Variants in IQGAP2 observed in about 807,000 individuals in gnomAD.
The protein encoded by IQGAP2 is ras GTPase-activating-like protein IQGAP2.
Under a neutral mutation model 201.3 loss-of-function variants are expected in IQGAP2, and 173 were observed. That is an observed-to-expected ratio of 0.86 (90% CI 0.76 to 0.98). The LOEUF is 0.98. Ranked by LOEUF, IQGAP2 falls within the 50% of genes least tolerant of loss-of-function variation. The pLI is 0.00. For missense variants in IQGAP2, 1,687 were observed against 1,864.8 expected, an observed-to-expected ratio of 0.90 and a Z score of 1.76; for synonymous variants, 675 against 673.9, an observed-to-expected ratio of 1.00 and a Z score of -0.03.
chr5:76,589,971 T>A (rs187572723), intron 7 of IQGAP2, among the ~76,000 whole-genome samples: 39 of 152,374 alleles, frequency 2.6e-4, no homozygotes, highest in African/African-American at 9.4e-4. Context: ...TCATTGTCCA[T>A]AGTTCTCTAC....
chr5:76,674,663 C>G lies in IQGAP2; in HGVS notation c.3481C>G (p.Leu1161Val), dbSNP rs1178700111. The change falls in exon 27 of 36, where the codon CTC (leucine) becomes GTC (valine). Residue 1161 changes from leucine to valine, a missense_variant. Transcript: ENST00000274364. ...GCTGTTTGAAGGAGAAAATGAGCATCTCTCATCTATGAACAATTATTTATC... is the reference window on the plus strand; with the variant it reads ...GCTGTTTGAAGGAGAAAATGAGCATGTCTCATCTATGAACAATTATTTATC... ...NKLFEGENEH[L>V]SSMNNYLSET... 6.2e-7 allele frequency: 1 copy of G among 1,614,098 alleles called. No homozygotes were observed. Among genetic ancestry groups the G allele is most frequent in the Admixed American group, 1.7e-5 (1 of 60,022 alleles).
intron 1 of IQGAP2, among the ~76,000 whole-genome samples, chr5:76,430,295 C>A (rs1752293546): frequency 6.6e-6 from 1 of 152,190 alleles, no homozygotes; most frequent in African/African-American, 2.4e-5. Flanking sequence ...TAACGAGCTC[C>A]AGCTGGGAAG....
Position 76,447,284 on chromosome 5 carries a change from A to G in IQGAP2, c.47-14286A>G, listed in dbSNP as rs143082597. 1.2e-3 allele frequency among the ~76,000 whole-genome samples: 190 copies of G among 152,302 alleles called. 1 individual carries two copies. The East Asian group carries it at 0.017, about 13-fold the overall frequency. On this transcript the variant is annotated intron_variant, in intron 1 of 35. Transcript: ENST00000274364. ...ACACTCGACCAGTCAGGTAGTAAAGAGAGCTCACTAAAATTCCAATTAGGC... is the reference window on the plus strand; with the variant it reads ...ACACTCGACCAGTCAGGTAGTAAAGGGAGCTCACTAAAATTCCAATTAGGC...
chr5:76,620,353 T>A (rs533274854), intron 13 of IQGAP2, among the ~76,000 whole-genome samples: 69 of 127,828 alleles, frequency 5.4e-4, no homozygotes, highest in Non-Finnish European at 1.1e-3. Context: ...TGATGGCGGC[T>A]TAAAGGGACT....
Position 76,701,194 on chromosome 5 carries a change from G to A in IQGAP2, c.4486G>A (p.Asp1496Asn), listed in dbSNP as rs779833868. Residue 1496 changes from aspartate to asparagine, a missense_variant, in exon 34 of 36, where the codon GAT becomes AAT. Transcript: ENST00000274364. ...LHEKGVLLDIDDLQTNQFKNV... is the reference protein window; with the variant it reads ...LHEKGVLLDINDLQTNQFKNV... ...TGAGAAAGGTGTCCTGCTAGATATAGATGATCTTCAAACAAACCAGTAAGT... is the reference window on the plus strand; with the variant it reads ...TGAGAAAGGTGTCCTGCTAGATATAAATGATCTTCAAACAAACCAGTAAGT... The A allele has an allele frequency of 3.1e-6, 5 of 1,614,088 alleles. No homozygotes were observed. In the Admixed American group the frequency reaches 6.7e-5, roughly 22 times the overall value.
At chr5:76,523,076 CTT>C (rs35277348) in intron 2 of IQGAP2, among the ~76,000 whole-genome samples, 119 of 78,342 alleles carry the variant, frequency 1.5e-3, no homozygotes, top group South Asian at 2.9e-3. Context: ...TTTCTTTTGC[CTT>C]TTTTTTTTTT....
At chr5:76,454,863 A>G (rs946403281) in intron 1 of IQGAP2, among the ~76,000 whole-genome samples, 3 of 152,034 alleles carry the variant, frequency 2.0e-5, no homozygotes, top group African/African-American at 7.3e-5. Context: ...CTGAGGAATC[A>G]CCACACTAAC....
At chr5:76,617,463 T>C in intron 13 of IQGAP2, 1 of 715,306 alleles carries the variant, frequency 1.4e-6, no homozygotes, top group Non-Finnish European at 2.3e-6. Flanking sequence ...TTGTAATGTT[T>C]GACCTTTGAA....
chr5:76,496,882 TGCAGTG>T (rs1240722789), intron 2 of IQGAP2, among the ~76,000 whole-genome samples: 2 of 151,908 alleles, frequency 1.3e-5, no homozygotes, highest in Non-Finnish European at 2.9e-5. Context: ...CAGGCTGCAG[TGCAGTG>T]GCACGATCTC....
intron 2 of IQGAP2, among the ~76,000 whole-genome samples, chr5:76,538,747 T>G (rs186704135): frequency 1.4e-3 from 208 of 152,266 alleles, no homozygotes; most frequent in African/African-American, 4.8e-3. Context: ...CTTTCATCTT[T>G]CCAAATCTCC....
At chr5:76,514,981 T>G (rs1019715108) in intron 2 of IQGAP2, among the ~76,000 whole-genome samples, 1 of 152,242 alleles carries the variant, frequency 6.6e-6, no homozygotes, top group Non-Finnish European at 1.5e-5. Flanking sequence ...TGACGTACAG[T>G]GCAATAGCTG....
In IQGAP2 at chr5:76,503,198, GA is replaced by G; in HGVS notation, c.146+41530del. On this transcript the variant is annotated intron_variant, in intron 2 of 35. Transcript: ENST00000274364. ...TCTTTTTTTTTTTTTTTTTGAGACGGAGTTTGGTCTTGTTGCCCAGGCTGGA... is the reference window on the plus strand; with the variant it reads ...TCTTTTTTTTTTTTTTTTTGAGACGGGTTTGGTCTTGTTGCCCAGGCTGGA... Among the ~76,000 whole-genome samples, 2 of 114,470 alleles carry G rather than the reference GA, an allele frequency of 1.7e-5. 1 individual carries two copies. Among genetic ancestry groups the G allele is most frequent in the South Asian group, 5.3e-4 (2 of 3,782 alleles). 75.1% of individuals were successfully genotyped at this position (114,470 alleles called of 152,430 possible). A position where few individuals can be genotyped will look rare whatever the true frequency, so the allele number is the denominator to read the frequency against.
chr5:76,504,760 C>T (rs537291313), intron 2 of IQGAP2, among the ~76,000 whole-genome samples: 21 of 152,322 alleles, frequency 1.4e-4, no homozygotes, highest in African/African-American at 4.8e-5. Context: ...CTCTCATCCA[C>T]TTAACTTTGC....
intron 33 of IQGAP2, among the ~76,000 whole-genome samples, chr5:76,699,177 C>G (rs1747029953): frequency 6.6e-6 from 1 of 152,132 alleles, no homozygotes; most frequent in Admixed American, 6.5e-5. Context: ...TCTATGAGTT[C>G]AACTTTTTTA....
At chr5:76,529,942 G>A (rs1561440951) in intron 2 of IQGAP2, among the ~76,000 whole-genome samples, 1 of 152,212 alleles carries the variant, frequency 6.6e-6, no homozygotes, top group East Asian at 1.9e-4. Flanking sequence ...TGAGCAACTG[G>A]TAATCACTCA....
At chr5:76,590,729 A>G in intron 8 of IQGAP2, 143 bp downstream of exon 8, 1 of 660,910 alleles carries the variant, frequency 1.5e-6, no homozygotes, top group Non-Finnish European at 2.5e-6. Context: ...AATGAAATGT[A>G]GCATACAAGA....
intron 2 of IQGAP2, among the ~76,000 whole-genome samples, chr5:76,476,324 C>T (rs1755425660): frequency 6.6e-6 from 1 of 152,006 alleles, no homozygotes; most frequent in Non-Finnish European, 1.5e-5. Context: ...AAGAGTGAAG[C>T]CCTGAGAAGT....
intron 1 of IQGAP2, among the ~76,000 whole-genome samples, chr5:76,454,959 T>TCACA: frequency 6.6e-6 from 1 of 152,186 alleles, no homozygotes; most frequent in Non-Finnish European, 1.5e-5. Flanking sequence ...CACCTGTTGT[T>TCACA]TCCTGACTTT....
At chr5:76,676,691 C>T (rs539709922) in intron 27 of IQGAP2, among the ~76,000 whole-genome samples, 1 of 152,268 alleles carries the variant, frequency 6.6e-6, no homozygotes, top group South Asian at 2.1e-4. Context: ...ATCTTTCCAT[C>T]GGCCAGCAAA....
Sources: allele counts gnomAD v4.1 joint callset (sites outside exome capture counted in the v4.1 genomes callset), GRCh38; gene constraint gnomAD v4.1.1; transcripts MANE v1.5; gene names NCBI Gene and HGNC (gene_info 2026-07-23, HGNC 2026-07-21).